Variants in SLC41A3 observed in about 807,000 individuals in gnomAD.
The protein encoded by SLC41A3 is solute carrier family 41 member 3, also known as SLC41A1-like 2.
A neutral mutation model predicts 45.4 loss-of-function variants in SLC41A3; 44 were observed. That is an observed-to-expected ratio of 0.97 (90% CI 0.76 to 1.25). The LOEUF (loss-of-function observed/expected upper bound fraction) is 1.25, where lower values mean the gene tolerates loss of function less well. Among genes scored for constraint, SLC41A3 ranks in the 50% most tolerant of loss-of-function variants. SLC41A3 has a pLI of 0.00. For synonymous variants in SLC41A3, 256 were observed against 252.4 expected (o/e 1.01, Z -0.13); for missense variants, 550 against 600.6 (o/e 0.92, Z 0.88).
intron 8 of SLC41A3, 60 bp downstream of exon 8, chr3:126,015,434 A>G: frequency 6.3e-7 from 1 of 1,579,444 alleles, no homozygotes; most frequent in Non-Finnish European, 8.7e-7. Context: ...GTTCCGGTCC[A>G]ACCCAATCCT....
At chr3:126,098,116 G>A (rs1212297794) in intron 1 of SLC41A3, among the ~76,000 whole-genome samples, 1 of 152,198 alleles carries the variant, frequency 6.6e-6, no homozygotes, top group Non-Finnish European at 1.5e-5. Flanking sequence ...AATGTTAGGA[G>A]CTATTAGGAT....
chr3:126,033,745 G>A lies in SLC41A3; in HGVS notation c.382-67C>T, dbSNP rs1189539501. 2.3e-5 allele frequency: 34 copies of A among 1,505,448 alleles called. No individual in the cohort carries two copies. In the East Asian group the frequency reaches 6.7e-4, roughly 29 times the overall value. The allele number at this position is 1,505,448 out of a possible 1,614,324, so 93.3% of individuals were successfully genotyped here. ...CCAAAGCCAGGTCAACCCTTCCTGGGAAAGGCAGTCTCTCAGGGAAGAAAT... is the reference window on the plus strand; with the variant it reads ...CCAAAGCCAGGTCAACCCTTCCTGGAAAAGGCAGTCTCTCAGGGAAGAAAT... On this transcript the variant is annotated intron_variant, in intron 3 of 10. Coordinates refer to ENST00000360370, the MANE Select transcript of SLC41A3 (RefSeq NM_017836.4).
intron 1 of SLC41A3, among the ~76,000 whole-genome samples, chr3:126,089,826 G>T (rs979505775): frequency 3.9e-5 from 6 of 152,104 alleles, no homozygotes; most frequent in Non-Finnish European, 8.8e-5. Context: ...ATAGAATCTT[G>T]CTACCTGGGA....
rs1448021164 is a variant in SLC41A3 at position 126,084,097 on chromosome 3, T to A, written c.-32A>T. ...CCGGAACAGGGCCGCGCTTACCGGG[T>A]CCCCTCCCAGGCGGCGGCGGGAAAG... is the stretch of plus-strand genomic sequence containing the variant. On this transcript the variant is annotated 5_prime_UTR_variant, in exon 1 of 11. Transcript: ENST00000360370. 6.6e-6 allele frequency: 1 copy of A among 151,948 alleles called. No homozygotes were observed. Among genetic ancestry groups the A allele is most frequent in the Non-Finnish European group, 1.5e-5 (1 of 68,200 alleles). The allele number at this position is 151,948 out of a possible 1,614,324, so 9.4% of individuals were successfully genotyped here.
Position 126,026,624 on chromosome 3 carries a change from C to G in SLC41A3, c.454-145G>C. ...TACCCTAAAATCTCACAGGCCCTCA[C>G]CCCAGGAAAAACTAATACCACACCC... is the stretch of plus-strand genomic sequence containing the variant. On this transcript the variant is annotated intron_variant, in intron 4 of 10. Transcript: ENST00000360370. The surrounding 1 kb of genome is among the most constrained non-coding windows in gnomAD (Gnocchi z 4.2). 1.7e-6 allele frequency: 2 copies of G among 1,146,110 alleles called. No individual in the cohort carries two copies. The highest frequency in any genetic ancestry group is 2.4e-6 in the Non-Finnish European group (2 of 816,818). The allele number at this position is 1,146,110 out of a possible 1,614,324, so 71.0% of individuals were successfully genotyped here.
chr3:126,007,300 G>A, intron 10 of SLC41A3, 75 bp from the exon 11 acceptor site: 1 of 1,497,088 alleles, frequency 6.7e-7, no homozygotes, highest in Non-Finnish European at 9.1e-7. Context: ...ACTAGCTGAG[G>A]CTCAAGGAGA....
chr3:126,021,926 G>T (rs1940918712), intron 6 of SLC41A3, among the ~76,000 whole-genome samples: 1 of 152,166 alleles, frequency 6.6e-6, no homozygotes, highest in South Asian at 2.1e-4. Flanking sequence ...CTATATTATT[G>T]TTCATTGTAT....
intron 2 of SLC41A3, among the ~76,000 whole-genome samples, chr3:126,059,310 G>GAAAAGAAAGAGAAAGAAAGAAA (rs1553740822): frequency 1.1e-5 from 1 of 88,080 alleles, no homozygotes; most frequent in South Asian, 4.2e-4. Flanking sequence ...AAGAAAGAAA[G>GAAAAGAAAGAGAAAGAAAGAAA]GAAGGATGAT....
At chr3:126,019,740 T>G (rs1451134169) in intron 6 of SLC41A3, among the ~76,000 whole-genome samples, 2 of 152,112 alleles carry the variant, frequency 1.3e-5, no homozygotes, top group African/African-American at 4.8e-5. Context: ...CACGCTGGTG[T>G]GGGGGTTGAG....
intron 4 of SLC41A3, among the ~76,000 whole-genome samples, chr3:126,031,305 T>C (rs997549435): frequency 6.6e-6 from 1 of 152,246 alleles, no homozygotes; most frequent in African/African-American, 2.4e-5. Flanking sequence ...ATCTAGAGCT[T>C]TGAACTGTTC....
In SLC41A3 at chr3:126,015,698, A is replaced by G; in HGVS notation, c.891-125T>C. On this transcript the variant is annotated intron_variant, in intron 7 of 10. Transcript: ENST00000360370. ...CTTGGCTGTCACTCTCCTCTCCCCT[A>G]CACAAAATATCTGCTGCGGCCAAAC... is the stretch of plus-strand genomic sequence containing the variant. 3.4e-6 allele frequency: 3 copies of G among 889,832 alleles called. No homozygotes were observed. The East Asian group carries it at 7.6e-5, about 23-fold the overall frequency. 55.1% of individuals were successfully genotyped at this position (889,832 alleles called of 1,614,324 possible). A position where few individuals can be genotyped will look rare whatever the true frequency, so the allele number is the denominator to read the frequency against.
intron 7 of SLC41A3, 62 bp downstream of exon 7, chr3:126,016,669 G>A (rs1186361945): frequency 6.5e-7 from 1 of 1,547,660 alleles, no homozygotes; most frequent in Non-Finnish European, 8.7e-7. Context: ...GTGTCACCCT[G>A]GTTCTAGGGG....
chr3:126,007,195 T>A lies in SLC41A3; in HGVS notation c.1285A>T (p.Met429Leu). The change falls in exon 11 of 11, where the codon ATG becomes TTG. Residue 429 changes from methionine (M) to leucine (L), a missense_variant. Met to Leu is a conservative substitution (Grantham distance 15). Coordinates refer to ENST00000360370, the MANE Select transcript of SLC41A3 (RefSeq NM_017836.4). ...GCCTGGTGCCAAGTCAGCCGAACCATCACTTCTGCGAGGTACAGCAGGATT... is the reference window on the plus strand; with the variant it reads ...GCCTGGTGCCAAGTCAGCCGAACCAACACTTCTGCGAGGTACAGCAGGATT... Reference protein sequence around the residue: ...VTILLYLAEVMVRLTWHQALD... With the variant: ...VTILLYLAEVLVRLTWHQALD... The A allele has an allele frequency of 6.2e-7, 1 of 1,613,924 alleles. No homozygotes were observed. The highest frequency in any genetic ancestry group is 8.5e-7 in the Non-Finnish European group (1 of 1,179,890).
chr3:126,048,933 AC>A (rs1334084469), intron 3 of SLC41A3, among the ~76,000 whole-genome samples: 4 of 150,670 alleles, frequency 2.7e-5, no homozygotes, highest in Non-Finnish European at 5.9e-5. Context: ...AAAAAAAAAA[AC>A]AAAGTAAAAC....
intron 4 of SLC41A3, among the ~76,000 whole-genome samples, chr3:126,027,051 A>G (rs1166417051): frequency 6.6e-6 from 1 of 152,172 alleles, no homozygotes; most frequent in African/African-American, 2.4e-5. Flanking sequence ...CCTCTAATCC[A>G]AAATGCTGAC....
At chr3:126,027,476 TG>T (rs1941458243) in intron 4 of SLC41A3, among the ~76,000 whole-genome samples, 2 of 152,306 alleles carry the variant, frequency 1.3e-5, no homozygotes, top group Admixed American at 1.3e-4. Flanking sequence ...GTACAGCCTG[TG>T]GAACCGTAAG....
At chr3:126,010,099 TTC>T (rs1316286272) in intron 9 of SLC41A3, among the ~76,000 whole-genome samples, 1 of 152,234 alleles carries the variant, frequency 6.6e-6, no homozygotes, top group Non-Finnish European at 1.5e-5. Context: ...ATTGTCCTTT[TTC>T]TCTTTCTTTC....
At chr3:126,063,955 C>A (rs1559874657) in intron 2 of SLC41A3, among the ~76,000 whole-genome samples, 3 of 141,318 alleles carry the variant, frequency 2.1e-5, no homozygotes, top group Admixed American at 2.1e-4. Flanking sequence ...TCCAACCCCC[C>A]CCCGGGGACA....
At chr3:126,095,187 AG>A (rs1371244806) in intron 1 of SLC41A3, 1 of 689,918 alleles carries the variant, frequency 1.4e-6, no homozygotes, top group Non-Finnish European at 2.6e-6. Flanking sequence ...ATGTCTCTCC[AG>A]GCCAAAATCA....
Sources: allele counts gnomAD v4.1 joint callset (sites outside exome capture counted in the v4.1 genomes callset), GRCh38; gene constraint gnomAD v4.1.1; non-coding constraint Gnocchi (gnomAD v3.1); transcripts MANE v1.5; gene names NCBI Gene and HGNC (gene_info 2026-07-23, HGNC 2026-07-21).